Variants in NCOA4 observed in about 807,000 individuals in gnomAD.
NCOA4 encodes nuclear receptor coactivator 4.
Under a neutral mutation model 69.5 loss-of-function variants are expected in NCOA4, and 31 were observed. That is an observed-to-expected ratio of 0.45 (90% CI 0.34 to 0.60). The LOEUF (loss-of-function observed/expected upper bound fraction) is 0.60, where lower values mean the gene tolerates loss of function less well. Ranked by LOEUF, NCOA4 falls within the 20% of genes least tolerant of loss-of-function variation. The probability of loss-of-function intolerance (pLI) is 0.02; values close to 1 mark genes in which losing one functional copy is unlikely to be tolerated. For synonymous variants in NCOA4, 228 were observed against 252.4 expected, an observed-to-expected ratio of 0.90 and a Z score of 0.92; for missense variants, 600 against 719.2, an observed-to-expected ratio of 0.83 and a Z score of 1.90.
At position 46,010,696 on chromosome 10, in the gene NCOA4, G is replaced by A. The variant is rs782770292; in HGVS notation, c.1225C>T (p.Pro409Ser). The A allele has an allele frequency of 1.3e-5, 21 of 1,613,858 alleles. No homozygotes were observed. Among genetic ancestry groups the A allele is most frequent in the Admixed American group, 1.7e-5 (1 of 59,974 alleles). ...KVEEVCRANE[P>S]CTSFAECVCD... ...ACACACTCTGCAAAGCTTGTGCAGG[G>A]CTCATTGGCTCTGCACACCTCCTCT... is the stretch of plus-strand genomic sequence containing the variant. The change falls in exon 8 of 10, where the codon CCC (proline) becomes TCC (serine). Residue 409 changes from proline (P) to serine (S), a missense_variant. By Grantham distance (74) the Pro-to-Ser change is moderately conservative. Coordinates refer to ENST00000581486, the MANE Select transcript of NCOA4 (RefSeq NM_001145263.2).
chr10:46,014,671 A>G, intron 4 of NCOA4, 119 bp from the exon 5 acceptor site: 3 of 834,642 alleles, frequency 3.6e-6, no homozygotes, highest in Non-Finnish European at 5.7e-6. Flanking sequence ...AAGAAACTCA[A>G]CCAAAGATAG....
intron 1 of NCOA4, chr10:46,027,566 A>G (rs1840233603): frequency 7.8e-7 from 1 of 1,276,952 alleles, no homozygotes; most frequent in African/African-American, 1.5e-5. Flanking sequence ...ACCTTGGATG[A>G]AAATTTTAAA....
chr10:46,019,865 C>T (rs1475021100), intron 1 of NCOA4, among the ~76,000 whole-genome samples: 11 of 152,158 alleles, frequency 7.2e-5, no homozygotes, highest in African/African-American at 2.4e-4. Context: ...CTGTCAGCCA[C>T]GAAGAAAATC....
At chr10:46,012,853 A>T in intron 7 of NCOA4, 30 bp downstream of exon 7, 1 of 1,612,854 alleles carries the variant, frequency 6.2e-7, no homozygotes, top group East Asian at 2.2e-5. Context: ...TGCTGTGTCT[A>T]CTGTAGAAAC....
intron 1 of NCOA4, among the ~76,000 whole-genome samples, chr10:46,019,170 G>A (rs1393160265): frequency 6.6e-6 from 1 of 152,098 alleles, no homozygotes; most frequent in African/African-American, 2.4e-5. Context: ...TGCCTTAATT[G>A]GATTTCACAG....
intron 8 of NCOA4, 129 bp from the exon 9 acceptor site, chr10:46,009,680 G>T (rs1271477767): frequency 1.2e-6 from 1 of 836,170 alleles, no homozygotes; most frequent in Non-Finnish European, 1.8e-6. Flanking sequence ...AAAAACAAAG[G>T]TGACAATTGT....
In NCOA4 at chr10:46,010,431, C is replaced by T. The variant is rs1249459767; in HGVS notation, c.1490G>A (p.Trp497Ter). ...TTCTTTGTATGGGGGCCTGATAAGC[C>T]ACTCCGACAAGGGGCTGTTCTTTAT... ...QVIKNSPLSE[W>*]LIRPPYKEGS... Residue 497 changes from tryptophan to a stop codon, truncating the protein, a stop_gained, in exon 8 of 10, where the codon TGG becomes TAG. Coordinates refer to ENST00000581486, the MANE Select transcript of NCOA4 (RefSeq NM_001145263.2). LOFTEE classifies it high-confidence loss of function. 6.2e-7 allele frequency: 1 copy of T among 1,614,040 alleles called. No homozygotes were observed. The highest frequency in any genetic ancestry group is 8.5e-7 in the Non-Finnish European group (1 of 1,180,028).
chr10:46,029,062 G>A (rs1356496198), intron 1 of NCOA4, among the ~76,000 whole-genome samples: 3 of 151,484 alleles, frequency 2.0e-5, no homozygotes, highest in African/African-American at 4.8e-5. Context: ...GGGGGTGAGG[G>A]GTACTATGTA....
intron 1 of NCOA4, among the ~76,000 whole-genome samples, chr10:46,018,052 G>C (rs1019702904): frequency 6.6e-6 from 1 of 152,196 alleles, no homozygotes; most frequent in Non-Finnish European, 1.5e-5. Flanking sequence ...TGTGGAAAAA[G>C]TGAATATTAG....
chr10:46,022,369 TA>T (rs1334311263), intron 1 of NCOA4: 2 of 446,770 alleles, frequency 4.5e-6, no homozygotes, highest in Non-Finnish European at 9.1e-6. Context: ...GCTTTTAGTT[TA>T]AAAAAATTAT....
rs782097918 is a variant in NCOA4, at chr10:46,011,180, G to A, written c.741C>T (p.Phe247=). Residue 247 remains phenylalanine, a synonymous_variant, in exon 8 of 10, where the codon TTC becomes TTT. Coordinates refer to ENST00000581486, the MANE Select transcript of NCOA4 (RefSeq NM_001145263.2). ...SQTSSRACNF[F]NNVGGNLKGL... is the part of the protein sequence containing the mutation. The stretch of plus-strand genomic sequence containing the variant: ...CCTTTAGGTTTCCCCCGACATTATT[G>A]AAGAAATTGCAGGCTCTGGAAGAAG... 1 of 1,596,456 alleles carries A rather than the reference G, an allele frequency of 6.3e-7. No individual in the cohort carries two copies. Among genetic ancestry groups the A allele is most frequent in the South Asian group, 1.1e-5 (1 of 87,994 alleles).
chr10:46,005,812 T>C lies in NCOA4; in HGVS notation c.*780A>G, dbSNP rs1240684192. On this transcript the variant is annotated 3_prime_UTR_variant, in exon 10 of 10. Coordinates refer to ENST00000581486, the MANE Select transcript of NCOA4 (RefSeq NM_001145263.2). Reference sequence around the variant, plus strand: ...CATTTCCAACATGTCTTTTGCCTATTTGCTTAGTCGGTACTGGGGTTCTTT... The same window carrying C: ...CATTTCCAACATGTCTTTTGCCTATCTGCTTAGTCGGTACTGGGGTTCTTT... The C allele has an allele frequency of 4.3e-5, 9 of 210,252 alleles. No homozygotes were observed. The highest frequency in any genetic ancestry group is 7.8e-5 in the Non-Finnish European group (8 of 103,218). The allele number at this position is 210,252 out of a possible 1,614,324, so 13.0% of individuals were successfully genotyped here. A position where few individuals can be genotyped will look rare whatever the true frequency, so the allele number is the denominator to read the frequency against.
At chr10:46,006,983 A>G (rs1203291556) in intron 9 of NCOA4, among the ~76,000 whole-genome samples, 2 of 152,202 alleles carry the variant, frequency 1.3e-5, no homozygotes, top group East Asian at 3.8e-4. Flanking sequence ...TTAGCGAGAA[A>G]GTCATGTTGA....
chr10:46,029,898 C>G (rs1228021220), intron 1 of NCOA4, among the ~76,000 whole-genome samples: 5 of 152,126 alleles, frequency 3.3e-5, no homozygotes, highest in African/African-American at 1.2e-4. Flanking sequence ...GTGGAATGAA[C>G]CAATGAATGA....
In NCOA4 at chr10:46,005,875, G is replaced by C; in HGVS notation, c.*717C>G. On this transcript the variant is annotated 3_prime_UTR_variant, in exon 10 of 10. Transcript: ENST00000581486. ...GTCTGTAGAATATTTTAAAAGGCTAGAATTACCTCAAAAATAGTCTTGAAA... is the reference window on the plus strand; with the variant it reads ...GTCTGTAGAATATTTTAAAAGGCTACAATTACCTCAAAAATAGTCTTGAAA... The C allele has an allele frequency of 4.8e-6, 1 of 207,422 alleles. No homozygotes were observed. Among genetic ancestry groups the C allele is most frequent in the East Asian group, 7.4e-5 (1 of 13,500 alleles). 12.8% of individuals were successfully genotyped at this position (207,422 alleles called of 1,614,324 possible). A position where few individuals can be genotyped will look rare whatever the true frequency, so the allele number is the denominator to read the frequency against.
chr10:46,012,941 A>T lies in NCOA4; in HGVS notation c.656T>A (p.Ile219Lys). 6.2e-7 allele frequency: 1 copy of T among 1,614,182 alleles called. No homozygotes were observed. The highest frequency in any genetic ancestry group is 2.2e-5 in the East Asian group (1 of 44,890). ...CCAGTCCTGGGGGTCGGTGCTGGGT[A>T]TGTAAGGAGCTTGATAACCACTGGC... ...KPASGYQAPYIPSTDPQDWLT... is the reference protein window; with the variant it reads ...KPASGYQAPYKPSTDPQDWLT... The change falls in exon 7 of 10, where the codon ATA (isoleucine) becomes AAA (lysine). Residue 219 changes from isoleucine (I) to lysine (K), a missense_variant. Physicochemically the swap from Ile to Lys is moderately radical, Grantham distance 102. Coordinates refer to ENST00000581486, the MANE Select transcript of NCOA4 (RefSeq NM_001145263.2).
chr10:46,026,839 G>C (rs1382590703), intron 1 of NCOA4, among the ~76,000 whole-genome samples: 1 of 152,112 alleles, frequency 6.6e-6, no homozygotes, highest in Non-Finnish European at 1.5e-5. Flanking sequence ...CATATTTGTA[G>C]AGCACTTAGG....
At position 46,006,213 on chromosome 10, in the gene NCOA4, C is replaced by T. The variant is rs117430945; in HGVS notation, c.*379G>A. On this transcript the variant is annotated 3_prime_UTR_variant, in exon 10 of 10. Transcript: ENST00000581486. ...GGCAATTAAACGTTAGGGAAGTTTACTAGCTTTAGAATACATCAATATACT... is the reference window on the plus strand; with the variant it reads ...GGCAATTAAACGTTAGGGAAGTTTATTAGCTTTAGAATACATCAATATACT... The T allele has an allele frequency of 1.0e-4, 26 of 258,800 alleles. No individual in the cohort carries two copies. In the East Asian group the frequency reaches 1.1e-3, roughly 11 times the overall value. The allele number at this position is 258,800 out of a possible 1,614,324, so 16.0% of individuals were successfully genotyped here. A position where few individuals can be genotyped will look rare whatever the true frequency, so the allele number is the denominator to read the frequency against.
intron 1 of NCOA4, among the ~76,000 whole-genome samples, chr10:46,021,757 C>T (rs966952511): frequency 6.6e-6 from 1 of 152,106 alleles, no homozygotes; most frequent in Non-Finnish European, 1.5e-5. Flanking sequence ...GTCAGGAGTT[C>T]GAGACCAGCC....
Sources: allele counts gnomAD v4.1 joint callset (sites outside exome capture counted in the v4.1 genomes callset), GRCh38; gene constraint gnomAD v4.1.1; transcripts MANE v1.5; gene names NCBI Gene and HGNC (gene_info 2026-07-23, HGNC 2026-07-21).